DOCK1: variants seen among roughly 807,000 people sequenced by gnomAD.
DOCK1 encodes the protein dedicator of cytokinesis protein 1.
DOCK1 carries 138 observed loss-of-function variants against 262.7 expected under a neutral mutation model. The ratio of observed to expected loss-of-function variants is 0.53; its 90% CI spans 0.46 to 0.61. The LOEUF is 0.61. Ranked by LOEUF, DOCK1 falls within the 20% of genes least tolerant of loss-of-function variation. DOCK1 has a pLI of 0.00. For synonymous variants in DOCK1, 866 were observed against 867.4 expected (o/e 1.00, Z 0.03); for missense variants, 1,908 against 2,370.7 (o/e 0.80, Z 4.05).
chr10:127,209,821 T>A (rs2057893648), intron 27 of DOCK1, among the ~76,000 whole-genome samples: 1 of 152,190 alleles, frequency 6.6e-6, no homozygotes, highest in African/African-American at 2.4e-5. Flanking sequence ...CAAAGGTGGT[T>A]ATAAATGCAT....
chr10:127,085,926 C>A lies in DOCK1; in HGVS notation c.2446-20305C>A, dbSNP rs559582190. On this transcript the variant is annotated intron_variant, in intron 23 of 51. Transcript: ENST00000623213. Reference sequence around the variant, plus strand: ...ATTGTGGATCACTGCAGGCTGCACACAGGCATTTGGGAGGCATGACTTCTT... The same window carrying A: ...ATTGTGGATCACTGCAGGCTGCACAAAGGCATTTGGGAGGCATGACTTCTT... 3.3e-5 allele frequency among the ~76,000 whole-genome samples: 5 copies of A among 152,286 alleles called. No individual in the cohort carries two copies. The South Asian group carries it at 1.0e-3, about 32-fold the overall frequency.
At position 127,347,486 on chromosome 10, in the gene DOCK1, G is replaced by A. The variant is rs373197109; in HGVS notation, c.3224+3740G>A. Among the ~76,000 whole-genome samples, 18 of 152,322 alleles carry A rather than the reference G, an allele frequency of 1.2e-4. No homozygotes were observed. In the South Asian group the frequency reaches 2.9e-3, roughly 25 times the overall value. ...TGAAGGCAGCTGAGAGGTTTGCCAC[G>A]GGACATCGAGTGCCAAAGGGCATGG... is the stretch of plus-strand genomic sequence containing the variant. On this transcript the variant is annotated intron_variant, in intron 31 of 51. Coordinates refer to ENST00000623213, the MANE Select transcript of DOCK1 (RefSeq NM_001290223.2).
At chr10:127,075,826 G>T (rs1002206742) in intron 23 of DOCK1, among the ~76,000 whole-genome samples, 2 of 152,146 alleles carry the variant, frequency 1.3e-5, no homozygotes, top group Admixed American at 1.3e-4. Flanking sequence ...TTTGGGTGGG[G>T]ACACAGAACC....
chr10:127,397,942 G>T (rs1187564435), intron 38 of DOCK1, among the ~76,000 whole-genome samples: 1 of 151,968 alleles, frequency 6.6e-6, no homozygotes, highest in East Asian at 1.9e-4. Flanking sequence ...GTGGCTCCTG[G>T]ATGACACAGG....
At chr10:127,025,746 G>T (rs943346394) in intron 15 of DOCK1, among the ~76,000 whole-genome samples, 1 of 151,936 alleles carries the variant, frequency 6.6e-6, no homozygotes, top group African/African-American at 2.4e-5. Context: ...CACCATGCCC[G>T]GCCCAAAAAC....
rs539780012 is a variant in DOCK1, at chr10:127,080,992, C to G, written c.2445+19216C>G. ...GTAGTTAAATGAGGTTTTGCTTTCTCTATGAATTAATTATGTCATCTCTAT... is the reference window on the plus strand; with the variant it reads ...GTAGTTAAATGAGGTTTTGCTTTCTGTATGAATTAATTATGTCATCTCTAT... On this transcript the variant is annotated intron_variant, in intron 23 of 51. Coordinates refer to ENST00000623213, the MANE Select transcript of DOCK1 (RefSeq NM_001290223.2). Among the ~76,000 whole-genome samples the G allele has an allele frequency of 2.0e-5, 3 of 152,166 alleles. No homozygotes were observed. In the East Asian group the frequency reaches 5.8e-4, roughly 29 times the overall value.
In DOCK1 at chr10:126,996,884, G is replaced by T; in HGVS notation, c.609+1G>T. The T allele has an allele frequency of 6.3e-7, 1 of 1,593,920 alleles. No homozygotes were observed. The highest frequency in any genetic ancestry group is 8.5e-7 in the Non-Finnish European group (1 of 1,173,016). ...GGAGGAAAGGTTACAAGAGGAAAAA[G>T]TAAGTTTGACTCTGTCATATGCCAT... On this transcript the variant is annotated splice_donor_variant, in intron 7 of 51. Coordinates refer to ENST00000623213, the MANE Select transcript of DOCK1 (RefSeq NM_001290223.2). LOFTEE classifies it high-confidence loss of function.
chr10:126,979,173 T>C (rs1432095588), intron 3 of DOCK1, among the ~76,000 whole-genome samples: 1 of 152,208 alleles, frequency 6.6e-6, no homozygotes, highest in East Asian at 1.9e-4. Context: ...GATGGTGGAA[T>C]AGATTTCTCC....
chr10:127,354,153 TAAAC>T (rs757143937), intron 31 of DOCK1, among the ~76,000 whole-genome samples: 1 of 152,216 alleles, frequency 6.6e-6, no homozygotes, highest in South Asian at 2.1e-4. Flanking sequence ...TTTTCCCTGA[TAAAC>T]AAAAACAGTG....
At chr10:127,115,634 T>C (rs2049132708) in intron 25 of DOCK1, among the ~76,000 whole-genome samples, 5 of 152,232 alleles carry the variant, frequency 3.3e-5, no homozygotes, top group Non-Finnish European at 1.5e-5. Flanking sequence ...ACTAGAACAC[T>C]GACGTTTAGG....
chr10:126,937,421 A>G (rs990176056), intron 1 of DOCK1, among the ~76,000 whole-genome samples: 32 of 151,352 alleles, frequency 2.1e-4, no homozygotes, highest in African/African-American at 6.8e-4. Flanking sequence ...ACTGTTTTCT[A>G]TAGTGGCTCT....
At chr10:127,309,809 G>C (rs139506295) in intron 29 of DOCK1, among the ~76,000 whole-genome samples, 45 of 152,078 alleles carry the variant, frequency 3.0e-4, no homozygotes, top group African/African-American at 1.1e-3. Flanking sequence ...TTTTTAATCA[G>C]TGAGATGACT....
At chr10:127,364,453 A>C (rs118091546) in intron 33 of DOCK1, among the ~76,000 whole-genome samples, 7,893 of 152,250 alleles carry the variant, frequency 0.052, 234 homozygotes, top group Middle Eastern at 0.099. Context: ...TACAGCCTCC[A>C]CATCCCGGGT....
chr10:127,385,243 G>T (rs893252024), intron 38 of DOCK1, among the ~76,000 whole-genome samples: 3 of 152,076 alleles, frequency 2.0e-5, no homozygotes, highest in African/African-American at 4.8e-5. Flanking sequence ...TTTTCTGTTG[G>T]CACGGAAGAA....
chr10:127,426,775 G>T (rs763274951), intron 47 of DOCK1, among the ~76,000 whole-genome samples: 8 of 152,196 alleles, frequency 5.3e-5, no homozygotes, highest in Non-Finnish European at 1.2e-4. Flanking sequence ...CTCTGCTCGG[G>T]ATGAAGGGCA....
intron 22 of DOCK1, among the ~76,000 whole-genome samples, chr10:127,059,764 A>G (rs569531286): frequency 2.6e-5 from 4 of 152,132 alleles, no homozygotes; most frequent in South Asian, 2.1e-4. Context: ...GGAAATTGTA[A>G]TATCTAGATT....
chr10:126,944,716 C>A (rs2035265860), intron 1 of DOCK1, among the ~76,000 whole-genome samples: 1 of 151,982 alleles, frequency 6.6e-6, no homozygotes, highest in African/African-American at 2.4e-5. Flanking sequence ...TGGATTGGGG[C>A]TCGTGTGGGC....
intron 27 of DOCK1, among the ~76,000 whole-genome samples, chr10:127,131,227 G>A (rs1459914529): frequency 6.6e-6 from 1 of 152,068 alleles, no homozygotes; most frequent in African/African-American, 2.4e-5. Context: ...GCACTGTCCG[G>A]GAATGGAAGA....
At chr10:127,314,563 T>C (rs2062192177) in intron 29 of DOCK1, among the ~76,000 whole-genome samples, 1 of 152,152 alleles carries the variant, frequency 6.6e-6, no homozygotes, top group Non-Finnish European at 1.5e-5. Flanking sequence ...TGCATGTACA[T>C]AGAGGCAAAA....
Sources: gnomAD v4.1 joint callset for allele counts (sites outside exome capture counted in the v4.1 genomes callset) on GRCh38, gnomAD v4.1.1 for gene constraint, MANE v1.5 for transcripts, NCBI Gene and HGNC (gene_info 2026-07-23, HGNC 2026-07-21) for gene names.